CERS6: variants seen among roughly 807,000 people sequenced by gnomAD.
CERS6 encodes the protein LAG1 homolog, ceramide synthase 6.
In CERS6, 26 loss-of-function variants were observed where a neutral mutation model predicts 56.8. The observed-to-expected ratio is 0.46, with a 90% CI of 0.34 to 0.63. CERS6 has a LOEUF of 0.63. Ranked by LOEUF, CERS6 falls within the 30% of genes least tolerant of loss-of-function variation. The pLI, the probability that CERS6 is intolerant of heterozygous loss-of-function variation, is 0.01. For synonymous variants in CERS6, 164 were observed against 173.3 expected (o/e 0.95, Z 0.42); for missense variants, 415 against 467.5 (o/e 0.89, Z 1.04).
At position 168,631,550 on chromosome 2, in the gene CERS6, T is replaced by TTAATATTTATATATTAAATATATA. The variant is rs1684722845; in HGVS notation, c.465+509_465+510insAATATTTATATATTAAATATATAT. 2.1e-4 allele frequency among the ~76,000 whole-genome samples: 10 copies of TTAATATTTATATATTAAATATATA among 48,772 alleles called. 2 individuals carry two copies. Among genetic ancestry groups the TTAATATTTATATATTAAATATATA allele is most frequent in the Non-Finnish European group, 3.7e-4 (10 of 26,992 alleles). The allele number at this position is 48,772 out of a possible 152,430, so 32.0% of individuals were successfully genotyped here. A position where few individuals can be genotyped will look rare whatever the true frequency, so the allele number is the denominator to read the frequency against. The stretch of plus-strand genomic sequence containing the variant: ...TAAATACATATTAAATATATTATAT[T>TTAATATTTATATATTAAATATATA]TTTAATATTTATATATTAAATATAA... On this transcript the variant is annotated intron_variant, in intron 4 of 9. Transcript: ENST00000305747.
intron 8 of CERS6, among the ~76,000 whole-genome samples, chr2:168,751,105 C>T (rs1169140394): frequency 1.3e-5 from 2 of 152,112 alleles, no homozygotes; most frequent in Non-Finnish European, 2.9e-5. Context: ...TGATCAAAAG[C>T]CATGTTACCT....
At chr2:168,512,698 C>T (rs1032919688) in intron 1 of CERS6, among the ~76,000 whole-genome samples, 2 of 140,286 alleles carry the variant, frequency 1.4e-5, no homozygotes, top group African/African-American at 2.6e-5. Context: ...GACAGAGTCT[C>T]GCTCTGTCAC....
At chr2:168,679,110 G>A (rs981984017) in intron 4 of CERS6, among the ~76,000 whole-genome samples, 12 of 151,972 alleles carry the variant, frequency 7.9e-5, no homozygotes, top group African/African-American at 2.4e-4. Flanking sequence ...GATCTTATTC[G>A]TGTGGGATCT....
chr2:168,464,698 T>TAAAA (rs543390356), intron 1 of CERS6, among the ~76,000 whole-genome samples: 4 of 134,342 alleles, frequency 3.0e-5, no homozygotes, highest in African/African-American at 1.1e-4. Flanking sequence ...GAGCCTAAAT[T>TAAAA]AAAAAAAAAA....
chr2:168,750,310 A>G (rs980801853), intron 8 of CERS6, among the ~76,000 whole-genome samples: 3 of 132,564 alleles, frequency 2.3e-5, no homozygotes, highest in African/African-American at 5.1e-5. Context: ...GCTAATATTT[A>G]TATGATTACA....
chr2:168,591,989 G>A (rs972273565), intron 3 of CERS6, among the ~76,000 whole-genome samples: 1 of 152,164 alleles, frequency 6.6e-6, no homozygotes, highest in African/African-American at 2.4e-5. Flanking sequence ...GGGCCTCAGG[G>A]TGCCCAACTC....
At chr2:168,459,367 T>C (rs963305998) in intron 1 of CERS6, among the ~76,000 whole-genome samples, 1 of 152,268 alleles carries the variant, frequency 6.6e-6, no homozygotes, top group East Asian at 1.9e-4. Flanking sequence ...TCCTTTCTTT[T>C]TATTTTCATC....
At chr2:168,509,628 G>C (rs1694742988) in intron 1 of CERS6, among the ~76,000 whole-genome samples, 1 of 152,176 alleles carries the variant, frequency 6.6e-6, no homozygotes, top group Admixed American at 6.5e-5. Flanking sequence ...TCTAGCTCTT[G>C]TGGTCTATAT....
chr2:168,534,104 G>A (rs561706091), intron 1 of CERS6, among the ~76,000 whole-genome samples: 1 of 152,118 alleles, frequency 6.6e-6, no homozygotes, highest in East Asian at 1.9e-4. Flanking sequence ...GGTTATTCTA[G>A]TTAGCAGCTC....
chr2:168,529,730 A>G (rs1695132390), intron 1 of CERS6, among the ~76,000 whole-genome samples: 1 of 152,194 alleles, frequency 6.6e-6, no homozygotes, highest in Non-Finnish European at 1.5e-5. Flanking sequence ...CTCATTTGTG[A>G]AGCAGTGATG....
At chr2:168,624,139 AT>A (rs2105287666) in intron 3 of CERS6, among the ~76,000 whole-genome samples, 1 of 152,290 alleles carries the variant, frequency 6.6e-6, no homozygotes, top group Admixed American at 6.5e-5. Context: ...GCTAGTATAC[AT>A]TCATGACACC....
rs62175792 is a variant in CERS6, at chr2:168,470,539, G to C, written c.170+13921G>C. Among the ~76,000 whole-genome samples, 540 of 152,284 alleles carry C rather than the reference G, an allele frequency of 3.5e-3. 5 individuals carry two copies. Among genetic ancestry groups the C allele is most frequent in the Non-Finnish European group, 2.9e-3 (198 of 68,030 alleles). On this transcript the variant is annotated intron_variant, in intron 1 of 9. Transcript: ENST00000305747. ...GAGGGCAGAACTGTGTCTGTAGATA[G>C]CCAGGGTCAGTTCCTGGTGTGCTAA...
chr2:168,767,936 T>C (rs1228567164), intron 9 of CERS6, among the ~76,000 whole-genome samples: 2 of 152,138 alleles, frequency 1.3e-5, no homozygotes, highest in Non-Finnish European at 2.9e-5. Flanking sequence ...CACTGAAAAA[T>C]ATAAGTAAGC....
intron 2 of CERS6, among the ~76,000 whole-genome samples, chr2:168,550,516 A>C (rs563118444): frequency 6.6e-6 from 1 of 152,164 alleles, no homozygotes; most frequent in East Asian, 1.9e-4. Context: ...CATGTTCCCT[A>C]ATGGCATGGG....
chr2:168,714,855 A>G (rs540534695), intron 6 of CERS6, 146 bp from the exon 7 acceptor site: 15 of 622,256 alleles, frequency 2.4e-5, no homozygotes, highest in Non-Finnish European at 3.2e-5. Flanking sequence ...CTCCTGGAGG[A>G]TAAGAATTAT....
At position 168,772,564 on chromosome 2, in the gene CERS6, C is replaced by G. The variant is rs145417879; in HGVS notation, c.*2902C>G. 1 of 152,752 alleles carries G rather than the reference C, an allele frequency of 6.5e-6. No individual in the cohort carries two copies. Among genetic ancestry groups the G allele is most frequent in the Admixed American group, 6.5e-5 (1 of 15,300 alleles). The allele number at this position is 152,752 out of a possible 1,614,324, so 9.5% of individuals were successfully genotyped here. A position where few individuals can be genotyped will look rare whatever the true frequency, so the allele number is the denominator to read the frequency against. On this transcript the variant is annotated 3_prime_UTR_variant, in exon 10 of 10. Coordinates refer to ENST00000305747, the MANE Select transcript of CERS6 (RefSeq NM_203463.3). ...CAGCCTCCTGTTCATGTTCCCCACA[C>G]ACCTGAAGGTGGTAGAATCTTTTCA...
At chr2:168,571,186 T>C (rs575832756) in intron 3 of CERS6, among the ~76,000 whole-genome samples, 9 of 152,224 alleles carry the variant, frequency 5.9e-5, no homozygotes, top group African/African-American at 1.4e-4. Flanking sequence ...TCTCCTTCTC[T>C]TTCATGCTTC....
chr2:168,744,276 AT>A lies in CERS6; in HGVS notation c.846-21313del, dbSNP rs552731319. On this transcript the variant is annotated intron_variant, in intron 8 of 9. Transcript: ENST00000305747. ...CACCTCGGCCTCCCAAAGTGCTGGG[AT>A]TTACAGGTGTGAGCCACCGTTCCCG... 1.8e-3 allele frequency among the ~76,000 whole-genome samples: 272 copies of A among 151,876 alleles called. 1 individual carries two copies. Among genetic ancestry groups the A allele is most frequent in the Admixed American group, 3.3e-3 (50 of 15,252 alleles).
chr2:168,595,294 G>A (rs774040195), intron 3 of CERS6, among the ~76,000 whole-genome samples: 6 of 152,208 alleles, frequency 3.9e-5, no homozygotes, highest in Non-Finnish European at 7.4e-5. Flanking sequence ...CTTTCAGATG[G>A]TGAGATGTTT....
Sources: gnomAD v4.1 joint callset for allele counts (sites outside exome capture counted in the v4.1 genomes callset) on GRCh38, gnomAD v4.1.1 for gene constraint, MANE v1.5 for transcripts, NCBI Gene and HGNC (gene_info 2026-07-23, HGNC 2026-07-21) for gene names.